EXOC6B: variants seen among roughly 807,000 people sequenced by gnomAD.
EXOC6B encodes exocyst complex component 6B, also known as SEC15 homolog B.
Under a neutral mutation model 113.5 loss-of-function variants are expected in EXOC6B, and 54 were observed. The observed-to-expected ratio is 0.48, with a 90% confidence interval of 0.38 to 0.60. EXOC6B has a LOEUF of 0.60. Ranked by LOEUF, EXOC6B falls within the 20% of genes least tolerant of loss-of-function variation. The pLI is 0.00. For synonymous variants in EXOC6B, 357 were observed against 339.0 expected (o/e 1.05, Z -0.58); for missense variants, 797 against 977.5 (o/e 0.82, Z 2.46).
At chr2:72,719,692 C>T (rs1392644301) in intron 5 of EXOC6B, among the ~76,000 whole-genome samples, 3 of 152,290 alleles carry the variant, frequency 2.0e-5, no homozygotes, top group African/African-American at 7.2e-5. Context: ...TAGCTGATGA[C>T]TATTTAAAAA....
At chr2:72,740,204 CT>C (rs1164124063) in intron 2 of EXOC6B, among the ~76,000 whole-genome samples, 5 of 152,104 alleles carry the variant, frequency 3.3e-5, no homozygotes, top group Non-Finnish European at 2.9e-5. Context: ...TGTTTCTTTG[CT>C]TTCCTTACCA....
At chr2:72,380,210 T>C (rs1008672823) in intron 18 of EXOC6B, among the ~76,000 whole-genome samples, 1 of 152,166 alleles carries the variant, frequency 6.6e-6, no homozygotes, top group Non-Finnish European at 1.5e-5. Flanking sequence ...TATTGCAGAA[T>C]ACAATATTCC....
At chr2:72,814,846 C>A (rs1686133013) in intron 1 of EXOC6B, among the ~76,000 whole-genome samples, 2 of 152,132 alleles carry the variant, frequency 1.3e-5, no homozygotes, top group African/African-American at 4.8e-5. Context: ...AAAAAATTAG[C>A]CAGGCGTGGT....
intron 1 of EXOC6B, among the ~76,000 whole-genome samples, chr2:72,743,179 C>T (rs1681451869): frequency 6.6e-6 from 1 of 152,170 alleles, no homozygotes; most frequent in African/African-American, 2.4e-5. Context: ...ACCATTTCCA[C>T]TAAAACACGA....
At chr2:72,811,028 A>G (rs1026180155) in intron 1 of EXOC6B, among the ~76,000 whole-genome samples, 17 of 152,008 alleles carry the variant, frequency 1.1e-4, no homozygotes, top group South Asian at 8.3e-4. Context: ...GCAACCTCAT[A>G]TCAAAAAAAA....
chr2:72,401,525 A>ATATATATATATATATATG, intron 18 of EXOC6B, among the ~76,000 whole-genome samples: 1 of 3,604 alleles, frequency 2.8e-4, no homozygotes, highest in Admixed American at 3.8e-3. Flanking sequence ...ACATATATAC[A>ATATATATATATATATATG]TATATATATA....
At chr2:72,205,556 A>G (rs1349137507) in intron 20 of EXOC6B, among the ~76,000 whole-genome samples, 1 of 152,140 alleles carries the variant, frequency 6.6e-6, no homozygotes, top group Non-Finnish European at 1.5e-5. Context: ...GACTGAGGTG[A>G]TAGGCGCTGG....
At position 72,661,454 on chromosome 2, in the gene EXOC6B, T is replaced by C. The variant is rs139797357; in HGVS notation, c.669+56649A>G. On this transcript the variant is annotated intron_variant, in intron 6 of 21. Coordinates refer to ENST00000272427, the MANE Select transcript of EXOC6B (RefSeq NM_015189.3). ...AGGGTCAATATCAATATCATAAATA[T>C]CAACAATACTTCTATAAACTGGAAA... Among the ~76,000 whole-genome samples, 18 of 149,076 alleles carry C rather than the reference T, an allele frequency of 1.2e-4. 1 individual carries two copies. In the East Asian group the frequency reaches 3.3e-3, roughly 28 times the overall value.
chr2:72,576,772 G>C (rs780730594), intron 6 of EXOC6B, among the ~76,000 whole-genome samples: 4 of 152,106 alleles, frequency 2.6e-5, no homozygotes, highest in Non-Finnish European at 5.9e-5. Context: ...AACCCAGCAT[G>C]TTCCAAAAAC....
At chr2:72,600,613 C>T (rs1256698683) in intron 6 of EXOC6B, among the ~76,000 whole-genome samples, 1 of 152,022 alleles carries the variant, frequency 6.6e-6, no homozygotes, top group East Asian at 1.9e-4. Context: ...AAAGGAGAGT[C>T]ATTTCAACAA....
At chr2:72,435,276 T>C (rs111687086) in intron 18 of EXOC6B, among the ~76,000 whole-genome samples, 5 of 152,202 alleles carry the variant, frequency 3.3e-5, no homozygotes, top group African/African-American at 1.2e-4. Flanking sequence ...AGAGACTGTT[T>C]GTTATGATTT....
At position 72,334,927 on chromosome 2, in the gene EXOC6B, A is replaced by C. The variant is rs577958359; in HGVS notation, c.2196+20T>G. Reference sequence around the variant, plus strand: ...ACACATCTTAAAAGAAAAACAAAAAACAAAAACACAAAGACTTACTTGTCT... The same window carrying C: ...ACACATCTTAAAAGAAAAACAAAAACCAAAAACACAAAGACTTACTTGTCT... On this transcript the variant is annotated intron_variant, in intron 20 of 21. Transcript: ENST00000272427. The C allele has an allele frequency of 6.2e-6, 10 of 1,612,256 alleles. No individual in the cohort carries two copies. In the South Asian group the frequency reaches 1.1e-4, roughly 18 times the overall value.
intron 20 of EXOC6B, among the ~76,000 whole-genome samples, chr2:72,306,993 A>G (rs1201321042): frequency 1.3e-5 from 2 of 152,168 alleles, no homozygotes; most frequent in African/African-American, 4.8e-5. Context: ...AATTTACTTC[A>G]TATGATAAAC....
intron 2 of EXOC6B, among the ~76,000 whole-genome samples, chr2:72,734,347 A>C (rs916244925): frequency 1.3e-4 from 20 of 152,208 alleles, no homozygotes; most frequent in African/African-American, 4.8e-4. Context: ...TAATGGCACC[A>C]CATGTGAAAC....
intron 6 of EXOC6B, among the ~76,000 whole-genome samples, chr2:72,674,373 G>A (rs953262087): frequency 6.6e-6 from 1 of 152,186 alleles, no homozygotes; most frequent in African/African-American, 2.4e-5. Context: ...CTTATAGAAA[G>A]TATTTTGTTA....
At chr2:72,817,875 C>T (rs1158310940) in intron 1 of EXOC6B, among the ~76,000 whole-genome samples, 1 of 152,184 alleles carries the variant, frequency 6.6e-6, no homozygotes, top group Non-Finnish European at 1.5e-5. Context: ...CATCTCTTGC[C>T]TCTTATTACT....
chr2:72,634,436 G>C (rs1672689625), intron 6 of EXOC6B, among the ~76,000 whole-genome samples: 1 of 152,086 alleles, frequency 6.6e-6, no homozygotes. Context: ...ATGCCTCCAG[G>C]CTATAATTTG....
chr2:72,774,500 A>G (rs1244653849), intron 1 of EXOC6B, among the ~76,000 whole-genome samples: 1 of 152,220 alleles, frequency 6.6e-6, no homozygotes, highest in Non-Finnish European at 1.5e-5. Context: ...ATATTTTTGA[A>G]GTTACTAAAA....
intron 20 of EXOC6B, among the ~76,000 whole-genome samples, chr2:72,253,467 C>T (rs189258897): frequency 3.9e-5 from 6 of 152,100 alleles, no homozygotes; most frequent in East Asian, 1.9e-4. Context: ...AATGGTAGGC[C>T]GGATAGGAAA....
Sources: allele counts gnomAD v4.1 joint callset (sites outside exome capture counted in the v4.1 genomes callset), GRCh38; gene constraint gnomAD v4.1.1; transcripts MANE v1.5; gene names NCBI Gene and HGNC (gene_info 2026-07-23, HGNC 2026-07-21).